PDE1C: variants seen among roughly 807,000 people sequenced by gnomAD.
PDE1C encodes phosphodiesterase 1C.
A neutral mutation model predicts 93.1 loss-of-function variants in PDE1C; 62 were observed. The ratio of observed to expected loss-of-function variants is 0.67; its 90% confidence interval spans 0.54 to 0.82. The LOEUF (loss-of-function observed/expected upper bound fraction) is 0.82, where lower values mean the gene tolerates loss of function less well. Among genes scored for constraint, PDE1C ranks in the 40% least tolerant of loss-of-function variants. PDE1C has a pLI of 0.00. For synonymous variants in PDE1C, 325 were observed against 310.1 expected, an observed-to-expected ratio of 1.05 and a Z score of -0.50; for missense variants, 742 against 884.6, an observed-to-expected ratio of 0.84 and a Z score of 2.04.
the PDE1C span, among the ~76,000 whole-genome samples, chr7:31,625,335 C>T: frequency 4.0e-4 from 61 of 151,874 alleles, no homozygotes; most frequent in South Asian, 3.5e-3. Flanking sequence ...ATGTTTATTG[C>T]GGCACTATTC....
At chr7:31,642,248 T>C in the PDE1C span, 1 of 1,552,188 alleles carries the variant, frequency 6.4e-7, no homozygotes, top group Non-Finnish European at 8.7e-7. Context: ...CTGGAACCGC[T>C]GCCCCTCCAG....
At chr7:31,966,057 G>C (rs1311974401) in intron 2 of PDE1C, among the ~76,000 whole-genome samples, 1 of 152,120 alleles carries the variant, frequency 6.6e-6, no homozygotes, top group Non-Finnish European at 1.5e-5. Context: ...CAACTAACGA[G>C]CAAAATGACC....
At chr7:32,207,921 C>T (rs1315389354) in intron 2 of PDE1C, among the ~76,000 whole-genome samples, 2 of 152,192 alleles carry the variant, frequency 1.3e-5, no homozygotes, top group Admixed American at 1.3e-4. Flanking sequence ...GCCCTCACAG[C>T]GTGGTTGGGT....
chr7:32,323,807 G>A (rs758385127), intron 1 of PDE1C, among the ~76,000 whole-genome samples: 54 of 152,160 alleles, frequency 3.5e-4, no homozygotes, highest in Admixed American at 3.2e-3. Context: ...TTAGCTCTCC[G>A]TCCCAACCCA....
intron 1 of PDE1C, among the ~76,000 whole-genome samples, chr7:32,311,865 C>A (rs569650599): frequency 6.6e-6 from 1 of 152,298 alleles, no homozygotes; most frequent in South Asian, 2.1e-4. Flanking sequence ...TGCCCTCTCT[C>A]GCCACTCCTA....
chr7:32,310,658 T>C (rs1318923043), intron 1 of PDE1C, among the ~76,000 whole-genome samples: 1 of 151,780 alleles, frequency 6.6e-6, no homozygotes, highest in Non-Finnish European at 1.5e-5. Flanking sequence ...GACTACTGGG[T>C]ACATAATGAA....
rs116574427 is a variant in PDE1C, at chr7:32,256,643, C to T, written c.85+42008G>A. 3.5e-3 allele frequency among the ~76,000 whole-genome samples: 535 copies of T among 152,310 alleles called. 5 individuals are homozygous for T. Among genetic ancestry groups the T allele is most frequent in the African/African-American group, 0.012 (502 of 41,570 alleles). Reference sequence around the variant, plus strand: ...CAGCTGTTCACCAGGTTCCCCCACCCTGCTGTGGGTCTGATCAGTCCCATG... The same window carrying T: ...CAGCTGTTCACCAGGTTCCCCCACCTTGCTGTGGGTCTGATCAGTCCCATG... On this transcript the variant is annotated intron_variant, in intron 1 of 18. Coordinates refer to the PDE1C transcript ENST00000396193.
At chr7:32,049,626 G>A (rs1442361724) in intron 2 of PDE1C, among the ~76,000 whole-genome samples, 1 of 152,096 alleles carries the variant, frequency 6.6e-6, no homozygotes, top group Non-Finnish European at 1.5e-5. Context: ...GAAAAGGCGA[G>A]ACTAAAGCAG....
chr7:32,007,444 G>A (rs1412268772), intron 2 of PDE1C, among the ~76,000 whole-genome samples: 1 of 152,158 alleles, frequency 6.6e-6, no homozygotes, highest in Non-Finnish European at 1.5e-5. Flanking sequence ...CTGGGATCAG[G>A]AATATGAGCA....
At chr7:32,215,675 C>A (rs1333834893) in intron 1 of PDE1C, among the ~76,000 whole-genome samples, 1 of 152,168 alleles carries the variant, frequency 6.6e-6, no homozygotes, top group Admixed American at 6.5e-5. Context: ...TCAGAAAGGA[C>A]AAAGGAGAAT....
chr7:32,095,245 G>A (rs1300153671), intron 3 of PDE1C, among the ~76,000 whole-genome samples: 2 of 152,286 alleles, frequency 1.3e-5, no homozygotes, highest in East Asian at 1.9e-4. Context: ...AAAATCTTGG[G>A]AAAGCAACCA....
chr7:31,651,224 T>TG, the PDE1C span: 2 of 1,613,584 alleles, frequency 1.2e-6, no homozygotes, highest in Middle Eastern at 1.7e-4. Flanking sequence ...CAGCACCTTA[T>TG]GGGACAGCAG....
At chr7:31,880,523 T>G (rs568270590) in intron 3 of PDE1C, among the ~76,000 whole-genome samples, 7 of 152,216 alleles carry the variant, frequency 4.6e-5, no homozygotes, top group African/African-American at 1.7e-4. Context: ...TTCCTTGTCA[T>G]GGCGGCCATA....
chr7:31,972,446 A>G (rs1187446933), intron 2 of PDE1C, among the ~76,000 whole-genome samples: 1 of 152,212 alleles, frequency 6.6e-6, no homozygotes, highest in African/African-American at 2.4e-5. Flanking sequence ...AGAATCTTAG[A>G]GAAAGTCTCT....
upstream of PDE1C, among the ~76,000 whole-genome samples, chr7:32,303,662 A>G (rs1812930304): frequency 6.6e-6 from 1 of 152,180 alleles, no homozygotes; most frequent in South Asian, 2.1e-4. Flanking sequence ...GTGTGCTTAC[A>G]TACTTGAGGG....
chr7:32,140,507 G>A (rs1298410810), intron 3 of PDE1C, among the ~76,000 whole-genome samples: 1 of 152,192 alleles, frequency 6.6e-6, no homozygotes, highest in East Asian at 1.9e-4. Flanking sequence ...GATTATAAAT[G>A]GAAAACAATT....
intron 2 of PDE1C, among the ~76,000 whole-genome samples, chr7:32,027,746 A>G (rs2128628678): frequency 6.6e-6 from 1 of 151,774 alleles, no homozygotes; most frequent in South Asian, 2.1e-4. Flanking sequence ...GACTGCAAAA[A>G]AAAAAACTTT....
chr7:32,033,068 G>A (rs1339294123), intron 2 of PDE1C, among the ~76,000 whole-genome samples: 1 of 152,078 alleles, frequency 6.6e-6, no homozygotes, highest in Non-Finnish European at 1.5e-5. Context: ...ATCAGCTGAC[G>A]GAGTAAGACC....
intron 1 of PDE1C, among the ~76,000 whole-genome samples, chr7:32,325,414 T>C (rs1394103740): frequency 6.6e-6 from 1 of 152,152 alleles, no homozygotes; most frequent in African/African-American, 2.4e-5. Flanking sequence ...CTCTCCTCCT[T>C]TGAGTCTTTG....
Sources: gnomAD v4.1 joint callset for allele counts (sites outside exome capture counted in the v4.1 genomes callset) on GRCh38, gnomAD v4.1.1 for gene constraint, MANE v1.5 for transcripts, NCBI Gene and HGNC (gene_info 2026-07-23, HGNC 2026-07-21) for gene names.